Variants in CCDC186 observed in about 807,000 individuals in gnomAD.
The protein encoded by CCDC186 is coiled-coil domain containing 186, also known as coiled-coil domain-containing protein 186.
CCDC186 carries 49 observed loss-of-function variants against 113.7 expected under a neutral mutation model. That is an observed-to-expected ratio of 0.43 (90% CI 0.34 to 0.55). The LOEUF is 0.55. Ranked by LOEUF, CCDC186 falls within the 20% of genes least tolerant of loss-of-function variation. The pLI is 0.02. For synonymous variants in CCDC186, 355 were observed against 345.8 expected (o/e 1.03, Z -0.30); for missense variants, 890 against 1,011.1 (o/e 0.88, Z 1.62).
chr10:114,168,102 C>A (rs1374066032), intron 1 of CCDC186: 1 of 152,330 alleles, frequency 6.6e-6, no homozygotes, highest in Non-Finnish European at 1.5e-5. Context: ...TACTATAATA[C>A]AGTACAGTCA....
intron 4 of CCDC186, among the ~76,000 whole-genome samples, 199 bp from the exon 5 acceptor site, chr10:114,145,960 T>C (rs766755601): frequency 2.0e-5 from 3 of 152,194 alleles, no homozygotes; most frequent in Non-Finnish European, 4.4e-5. Context: ...TCCCTAGCAT[T>C]TGCCTTTACC....
At chr10:114,160,694 T>C (rs2032146137) in intron 2 of CCDC186, among the ~76,000 whole-genome samples, 1 of 152,116 alleles carries the variant, frequency 6.6e-6, no homozygotes, top group African/African-American at 2.4e-5. Flanking sequence ...AATGAGGGAA[T>C]GTATAAACAA....
At chr10:114,172,387 A>G (rs1268119449) in intron 1 of CCDC186, among the ~76,000 whole-genome samples, 1 of 152,244 alleles carries the variant, frequency 6.6e-6, no homozygotes, top group African/African-American at 2.4e-5. Flanking sequence ...CTAAGCAATC[A>G]TTAGCTATGC....
chr10:114,166,263 T>C lies in CCDC186; in HGVS notation c.-61-2934A>G, dbSNP rs374774791. On this transcript the variant is annotated intron_variant, in intron 1 of 15. Coordinates refer to ENST00000369287, the MANE Select transcript of CCDC186 (RefSeq NM_018017.4). ...ATCCTGGCACTCCATCATACTTTACTAGCCCAACCAGTCTAACTCAAAGAT... is the reference window on the plus strand; with the variant it reads ...ATCCTGGCACTCCATCATACTTTACCAGCCCAACCAGTCTAACTCAAAGAT... Among the ~76,000 whole-genome samples the C allele has an allele frequency of 3.3e-5, 5 of 152,352 alleles. No individual in the cohort carries two copies. In the South Asian group the frequency reaches 1.0e-3, roughly 32 times the overall value.
In CCDC186 at chr10:114,162,965, C is replaced by A. The variant is rs560390918; in HGVS notation, c.304G>T (p.Ala102Ser). The part of the protein sequence containing the change: ...QIANFPSGNF[A>S]KHISKTNETE... The stretch of plus-strand genomic sequence containing the variant: ...TCATTTGTTTTTGAAATATGTTTAG[C>A]AAAATTTCCACTAGGAAAATTAGCT... The change falls in exon 2 of 16, where the codon GCT becomes TCT. Residue 102 changes from alanine to serine, a missense_variant. Coordinates refer to ENST00000369287, the MANE Select transcript of CCDC186 (RefSeq NM_018017.4). 3.1e-6 allele frequency: 5 copies of A among 1,613,456 alleles called. No individual in the cohort carries two copies. In the East Asian group the frequency reaches 1.1e-4, roughly 36 times the overall value.
intron 1 of CCDC186, among the ~76,000 whole-genome samples, chr10:114,169,131 T>A (rs2032414825): frequency 6.6e-6 from 1 of 151,654 alleles, no homozygotes; most frequent in Admixed American, 6.6e-5. Context: ...CAGGGCTCCA[T>A]CAGAAGCTAA....
chr10:114,149,567 G>GGGAAA (rs2031755010), intron 4 of CCDC186, among the ~76,000 whole-genome samples: 1 of 11,400 alleles, frequency 8.8e-5, no homozygotes, highest in Non-Finnish European at 1.6e-4. Flanking sequence ...GGAAAGGAAA[G>GGGAAA]GGAAGGGAAG....
rs1342848549 is a variant in CCDC186, at chr10:114,123,530, A to G, written c.*1613T>C. On this transcript the variant is annotated 3_prime_UTR_variant, in exon 16 of 16. Transcript: ENST00000369287. The stretch of plus-strand genomic sequence containing the variant: ...TACAGGCTTTTAATCCATCATCCCA[A>G]AACTTAATTCCCTTAATGGGAGAAA... 1 of 152,188 alleles carries G rather than the reference A, an allele frequency of 6.6e-6. No individual in the cohort carries two copies. Among genetic ancestry groups the G allele is most frequent in the Admixed American group, 6.5e-5 (1 of 15,284 alleles). 9.4% of individuals were successfully genotyped at this position (152,188 alleles called of 1,614,324 possible).
chr10:114,171,045 T>C (rs1043272519), intron 1 of CCDC186, among the ~76,000 whole-genome samples: 38 of 152,208 alleles, frequency 2.5e-4, no homozygotes, highest in Non-Finnish European at 4.6e-4. Context: ...CTCCTATAAA[T>C]ACTTTAAAAT....
At chr10:114,126,410 G>A (rs2030902757) in intron 14 of CCDC186, among the ~76,000 whole-genome samples, 1 of 152,188 alleles carries the variant, frequency 6.6e-6, no homozygotes, top group Non-Finnish European at 1.5e-5. Context: ...AGGCTGGAGT[G>A]CAGTGACACA....
In CCDC186 at chr10:114,144,639, T is replaced by C. The variant is rs750922124; in HGVS notation, c.1102-23A>G. 7.0e-6 allele frequency: 11 copies of C among 1,574,402 alleles called. No homozygotes were observed. In the South Asian group the frequency reaches 1.3e-4, roughly 18 times the overall value. ...TTCCTAAAATAATATCACTAGGTCA[T>C]ATATTTTCATTTATAGAATCAATTA... On this transcript the variant is annotated intron_variant, in intron 5 of 15. Transcript: ENST00000369287.
chr10:114,142,573 G>A (rs72823043), intron 6 of CCDC186, among the ~76,000 whole-genome samples: 5,465 of 152,288 alleles, frequency 0.036, 143 homozygotes, highest in Non-Finnish European at 0.051. Flanking sequence ...TACAGGCTAG[G>A]TGTTTAAAAC....
intron 3 of CCDC186, 65 bp from the exon 4 acceptor site, chr10:114,151,285 A>G: frequency 4.4e-6 from 5 of 1,132,118 alleles, no homozygotes; most frequent in Non-Finnish European, 5.0e-6. Flanking sequence ...AATACTGCAA[A>G]TAAATATAAA....
At chr10:114,140,307 C>T (rs1317661463) in intron 6 of CCDC186, among the ~76,000 whole-genome samples, 2 of 152,160 alleles carry the variant, frequency 1.3e-5, no homozygotes, top group Non-Finnish European at 2.9e-5. Flanking sequence ...ACTAAAAAGA[C>T]ATGAGCAAGA....
chr10:114,163,023 T>C lies in CCDC186; in HGVS notation c.246A>G (p.Lys82=), dbSNP rs985906719. The change falls in exon 2 of 16, where the codon AAA becomes AAG. Residue 82 remains lysine (K), a synonymous_variant. Coordinates refer to ENST00000369287, the MANE Select transcript of CCDC186 (RefSeq NM_018017.4). ...DHGGGEDSCA[K]TDTGSENSEQ... ...CAGAATTTTCTGAGCCTGTGTCTGT[T>C]TTGGCACAAGAATCCTCACCTCCAC... 1 of 1,614,034 alleles carries C rather than the reference T, an allele frequency of 6.2e-7. No homozygotes were observed. Among genetic ancestry groups the C allele is most frequent in the African/African-American group, 1.3e-5 (1 of 74,950 alleles).
intron 4 of CCDC186, among the ~76,000 whole-genome samples, chr10:114,147,372 G>A (rs2031677903): frequency 6.6e-6 from 1 of 152,214 alleles, no homozygotes; most frequent in South Asian, 2.1e-4. Flanking sequence ...GGGAGGAGTT[G>A]GCAGGAAGGG....
At position 114,162,849 on chromosome 10, in the gene CCDC186, G is replaced by A; in HGVS notation, c.420C>T (p.Pro140=). The A allele has an allele frequency of 3.7e-6, 6 of 1,613,934 alleles. No homozygotes were observed. The highest frequency in any genetic ancestry group is 5.1e-6 in the Non-Finnish European group (6 of 1,179,920). ...ATTTCTTGGTGCAGTCTGTATCATA[G>A]GGGCTTTCTGAATAAGTCTTTTCAT... ...SANEKTYSES[P]YDTDCTKKFI... The change falls in exon 2 of 16, where the codon CCC becomes CCT. Residue 140 remains proline (P), a synonymous_variant. Coordinates refer to ENST00000369287, the MANE Select transcript of CCDC186 (RefSeq NM_018017.4).
At chr10:114,137,113 T>A in intron 7 of CCDC186, 73 bp downstream of exon 7, 1 of 1,168,714 alleles carries the variant, frequency 8.6e-7, no homozygotes, top group Non-Finnish European at 1.2e-6. Flanking sequence ...CGAGACTCCA[T>A]CTAAAAAAAG....
At chr10:114,132,853 A>C (rs1230596228) in intron 10 of CCDC186, among the ~76,000 whole-genome samples, 1 of 152,198 alleles carries the variant, frequency 6.6e-6, no homozygotes, top group African/African-American at 2.4e-5. Context: ...GAAGAGAAAG[A>C]CTGTACTATA....
Sources: gnomAD v4.1 joint callset for allele counts (sites outside exome capture counted in the v4.1 genomes callset) on GRCh38, gnomAD v4.1.1 for gene constraint, MANE v1.5 for transcripts, NCBI Gene and HGNC (gene_info 2026-07-23, HGNC 2026-07-21) for gene names.